Variants in CLSTN2 observed in about 807,000 individuals in gnomAD.
The protein encoded by CLSTN2 is calsyntenin-2.
A neutral mutation model predicts 101.2 loss-of-function variants in CLSTN2; 48 were observed. The ratio of observed to expected loss-of-function variants is 0.47; its 90% CI spans 0.38 to 0.60. The LOEUF (loss-of-function observed/expected upper bound fraction) is 0.60. Among genes scored for constraint, CLSTN2 ranks in the 20% least tolerant of loss-of-function variants. The probability of loss-of-function intolerance (pLI) is 0.00; values close to 1 mark genes in which losing one functional copy is unlikely to be tolerated. For synonymous variants in CLSTN2, 481 were observed against 463.6 expected (o/e 1.04, Z -0.48); for missense variants, 1,160 against 1,238.2 (o/e 0.94, Z 0.95).
At chr3:140,005,431 T>C (rs2006934721) in intron 1 of CLSTN2, among the ~76,000 whole-genome samples, 1 of 152,150 alleles carries the variant, frequency 6.6e-6, no homozygotes, top group Non-Finnish European at 1.5e-5. Flanking sequence ...TAAATTTCCT[T>C]AGAGTACCAA....
chr3:140,281,733 A>G (rs954296534), intron 2 of CLSTN2, among the ~76,000 whole-genome samples: 2 of 141,526 alleles, frequency 1.4e-5, no homozygotes, highest in Non-Finnish European at 3.1e-5. Context: ...CTTCTGATTG[A>G]AATTAATAAT....
chr3:139,985,238 G>A (rs2012512), intron 1 of CLSTN2, among the ~76,000 whole-genome samples: 49,901 of 152,032 alleles, frequency 0.33, 10,121 homozygotes, highest in Non-Finnish European at 0.46. Flanking sequence ...TCCTCTATCT[G>A]AAATCTAAAC....
At chr3:140,288,989 C>A (rs2086924456) in intron 2 of CLSTN2, among the ~76,000 whole-genome samples, 1 of 152,136 alleles carries the variant, frequency 6.6e-6, no homozygotes, top group Middle Eastern at 3.2e-3. Flanking sequence ...TCAGCTGCTG[C>A]TGCTCTTTTG....
At chr3:140,315,665 G>A (rs1412727128) in intron 2 of CLSTN2, among the ~76,000 whole-genome samples, 1 of 152,188 alleles carries the variant, frequency 6.6e-6, no homozygotes, top group Non-Finnish European at 1.5e-5. Flanking sequence ...AGGTGTCCTA[G>A]AGATGCTCCA....
At chr3:140,561,883 T>G (rs977814059) in intron 12 of CLSTN2, among the ~76,000 whole-genome samples, 1 of 152,220 alleles carries the variant, frequency 6.6e-6, no homozygotes, top group African/African-American at 2.4e-5. Context: ...GTGGCAGAGC[T>G]GGTATTCAAA....
At chr3:139,938,111 T>C (rs1466310998) in intron 1 of CLSTN2, among the ~76,000 whole-genome samples, 1 of 145,522 alleles carries the variant, frequency 6.9e-6, no homozygotes, top group Non-Finnish European at 1.5e-5. Flanking sequence ...TTGCCATTTT[T>C]AAGGTTCATA....
chr3:140,558,723 C>T lies in CLSTN2; in HGVS notation c.1907C>T (p.Thr636Ile), dbSNP rs1416667565. ...CTCCAGGCCATCGAGCCCCGGATCACCCTCCGGGGCACAGACCACTTCTGG... is the reference window on the plus strand; with the variant it reads ...CTCCAGGCCATCGAGCCCCGGATCATCCTCCGGGGCACAGACCACTTCTGG... ...MVLQAIEPRI[T>I]LRGTDHFWRP... is the part of the protein sequence containing the mutation. The change falls in exon 12 of 17, where the codon ACC (threonine) becomes ATC (isoleucine). Residue 636 changes from threonine (T) to isoleucine (I), a missense_variant. Transcript: ENST00000458420. The T allele has an allele frequency of 1.9e-6, 3 of 1,613,960 alleles. No individual in the cohort carries two copies. Among genetic ancestry groups the T allele is most frequent in the Non-Finnish European group, 1.7e-6 (2 of 1,179,898 alleles).
rs764918816 is a variant in CLSTN2 at position 140,459,645 on chromosome 3, C to T, written c.1098C>T (p.Val366=). 7 of 1,614,118 alleles carry T rather than the reference C, an allele frequency of 4.3e-6. No individual in the cohort carries two copies. The highest frequency in any genetic ancestry group is 1.7e-5 in the Admixed American group (1 of 60,028). The change falls in exon 7 of 17, where the codon GTC becomes GTT. Residue 366 remains valine, a synonymous_variant. Transcript: ENST00000458420. ...FKFDGRQGAK[V]PDGIVPKNLT... ...TTGACGGCAGGCAGGGTGCCAAAGT[C>T]CCCGATGGGATTGTGCCCAAGAACC...
In CLSTN2 at chr3:140,459,655, A is replaced by G; in HGVS notation, c.1108A>G (p.Ile370Val). Residue 370 changes from isoleucine to valine, a missense_variant, in exon 7 of 17, where the codon ATT (isoleucine) becomes GTT (valine). Physicochemically the swap from Ile to Val is conservative, Grantham distance 29. Transcript: ENST00000458420. The part of the protein sequence containing the change: ...GRQGAKVPDG[I>V]VPKNLTDQFT... ...GCAGGGTGCCAAAGTCCCCGATGGG[A>G]TTGTGCCCAAGAACCTGACCGATCA... 1 of 1,614,104 alleles carries G rather than the reference A, an allele frequency of 6.2e-7. No homozygotes were observed. The highest frequency in any genetic ancestry group is 8.5e-7 in the Non-Finnish European group (1 of 1,180,000).
chr3:140,155,530 C>T (rs1198850950), intron 1 of CLSTN2, among the ~76,000 whole-genome samples: 1 of 152,144 alleles, frequency 6.6e-6, no homozygotes, highest in Non-Finnish European at 1.5e-5. Context: ...TAAGTTATAT[C>T]TGGTCAGGGG....
rs115665017 is a variant in CLSTN2, at chr3:140,525,793, G to A, written c.1345-6531G>A. Among the ~76,000 whole-genome samples, 894 of 152,180 alleles carry A rather than the reference G, an allele frequency of 5.9e-3. 8 individuals carry two copies. Among genetic ancestry groups the A allele is most frequent in the African/African-American group, 0.02 (838 of 41,538 alleles). ...TCAACACATGCAAATCTATAAATGT[G>A]ATTCACCATGTGAACAGAATCAAAA... is the stretch of plus-strand genomic sequence containing the variant. On this transcript the variant is annotated intron_variant, in intron 8 of 16. Coordinates refer to ENST00000458420, the MANE Select transcript of CLSTN2 (RefSeq NM_022131.3).
intron 2 of CLSTN2, among the ~76,000 whole-genome samples, chr3:140,304,005 C>T (rs1200701496): frequency 1.3e-5 from 2 of 151,960 alleles, no homozygotes; most frequent in Non-Finnish European, 2.9e-5. Flanking sequence ...TTTGAAATAG[C>T]AACCAGAAAA....
intron 1 of CLSTN2, among the ~76,000 whole-genome samples, chr3:140,051,957 C>A (rs1419922669): frequency 6.6e-6 from 1 of 152,158 alleles, no homozygotes; most frequent in African/African-American, 2.4e-5. Context: ...GTTTGCAGGG[C>A]AGGCTGAGCT....
intron 1 of CLSTN2, among the ~76,000 whole-genome samples, chr3:140,125,680 C>G (rs1316628338): frequency 1.3e-5 from 2 of 152,050 alleles, no homozygotes; most frequent in African/African-American, 4.8e-5. Context: ...GTGCTGATTA[C>G]CCACTTGAGA....
chr3:140,196,216 AT>A (rs1317497462), intron 2 of CLSTN2, among the ~76,000 whole-genome samples: 1 of 152,232 alleles, frequency 6.6e-6, no homozygotes, highest in Non-Finnish European at 1.5e-5. Flanking sequence ...CTTTGAAGGC[AT>A]CCTTGTCCTG....
chr3:140,055,105 G>T (rs979299468), intron 1 of CLSTN2, among the ~76,000 whole-genome samples: 4 of 152,226 alleles, frequency 2.6e-5, no homozygotes, highest in Non-Finnish European at 5.9e-5. Context: ...AAGCAGCTCA[G>T]TGATGTGTAA....
At chr3:140,403,890 G>A (rs1412646325) in intron 3 of CLSTN2, 66 bp downstream of exon 3, 4 of 1,286,896 alleles carry the variant, frequency 3.1e-6, no homozygotes, top group Non-Finnish European at 2.2e-6. Context: ...TCATTCACAT[G>A]CTGCTCTTCA....
At chr3:140,145,810 T>C (rs1257244521) in intron 1 of CLSTN2, among the ~76,000 whole-genome samples, 1 of 152,242 alleles carries the variant, frequency 6.6e-6, no homozygotes, top group Non-Finnish European at 1.5e-5. Context: ...TCAAAAAATA[T>C]TCTTGGAGCC....
intron 10 of CLSTN2, among the ~76,000 whole-genome samples, chr3:140,550,676 C>G (rs1444726915): frequency 6.6e-6 from 1 of 151,530 alleles, no homozygotes; most frequent in Non-Finnish European, 1.5e-5. Flanking sequence ...AAAAGTCATG[C>G]CTTTTAAAAA....
Sources: gnomAD v4.1 joint callset for allele counts (sites outside exome capture counted in the v4.1 genomes callset) on GRCh38, gnomAD v4.1.1 for gene constraint, MANE v1.5 for transcripts, NCBI Gene and HGNC (gene_info 2026-07-23, HGNC 2026-07-21) for gene names.